EPHA6: variants seen among roughly 807,000 people sequenced by gnomAD.
EPHA6 encodes EPH receptor A6.
In EPHA6, 50 loss-of-function variants were observed where a neutral mutation model predicts 112.0. The ratio of observed to expected loss-of-function variants is 0.45; its 90% CI spans 0.36 to 0.56. The LOEUF (loss-of-function observed/expected upper bound fraction) is 0.56. Ranked by LOEUF, EPHA6 falls within the 20% of genes least tolerant of loss-of-function variation. EPHA6 has a pLI of 0.00. For synonymous variants in EPHA6, 529 were observed against 490.7 expected (o/e 1.08, Z -1.03); for missense variants, 1,280 against 1,417.4 (o/e 0.90, Z 1.56).
intron 13 of EPHA6, among the ~76,000 whole-genome samples, chr3:97,622,528 A>G (rs2093822382): frequency 6.6e-6 from 1 of 151,740 alleles, no homozygotes; most frequent in Non-Finnish European, 1.5e-5. Context: ...TTCATGTTTT[A>G]GCTATTGCGA....
chr3:97,206,609 T>A (rs916941056), intron 3 of EPHA6, among the ~76,000 whole-genome samples: 1 of 152,082 alleles, frequency 6.6e-6, no homozygotes, highest in Non-Finnish European at 1.5e-5. Context: ...CGAGCTACTC[T>A]ACTTGATACT....
chr3:97,005,358 A>G (rs901555664), intron 3 of EPHA6, among the ~76,000 whole-genome samples: 11 of 151,972 alleles, frequency 7.2e-5, no homozygotes, highest in Non-Finnish European at 1.3e-4. Flanking sequence ...ATTCCTAGGT[A>G]TATTATTCTC....
chr3:96,864,633 G>A (rs566373192), intron 1 of EPHA6, among the ~76,000 whole-genome samples: 1 of 152,148 alleles, frequency 6.6e-6, no homozygotes, highest in East Asian at 1.9e-4. Context: ...TTCCATGGAT[G>A]TAGGAGTTTG....
chr3:96,860,397 A>G (rs1392439204), intron 1 of EPHA6, among the ~76,000 whole-genome samples: 1 of 151,796 alleles, frequency 6.6e-6, no homozygotes, highest in Non-Finnish European at 1.5e-5. Flanking sequence ...TTTCTTTTAG[A>G]CCTTTCTTCC....
intron 2 of EPHA6, among the ~76,000 whole-genome samples, chr3:96,892,398 C>A (rs1174369467): frequency 1.3e-5 from 2 of 151,832 alleles, no homozygotes; most frequent in Non-Finnish European, 2.9e-5. Flanking sequence ...TTTTTTTGTA[C>A]TTTTTATAGA....
At chr3:96,926,453 C>T (rs941633228) in intron 2 of EPHA6, among the ~76,000 whole-genome samples, 2 of 152,188 alleles carry the variant, frequency 1.3e-5, no homozygotes, top group East Asian at 1.9e-4. Context: ...GCATTCCCAA[C>T]AGTCTTCCAA....
intron 3 of EPHA6, among the ~76,000 whole-genome samples, chr3:97,015,572 A>G (rs2044236325): frequency 6.6e-6 from 1 of 152,228 alleles, no homozygotes; most frequent in Non-Finnish European, 1.5e-5. Context: ...AATGTTAAAA[A>G]GAATATATAT....
Position 96,906,583 on chromosome 3 carries a change from A to G in EPHA6, c.450+39694A>G, listed in dbSNP as rs145133140. 6.1e-3 allele frequency among the ~76,000 whole-genome samples: 922 copies of G among 152,102 alleles called. 15 individuals carry two copies. Among genetic ancestry groups the G allele is most frequent in the African/African-American group, 0.02 (845 of 41,526 alleles). On this transcript the variant is annotated intron_variant, in intron 2 of 17. Transcript: ENST00000389672. Reference sequence around the variant, plus strand: ...GTGCCCTTGTGCTCTGTTGTATCTTATTTAGAATATATTTGTGTCTCTGCA... The same window carrying G: ...GTGCCCTTGTGCTCTGTTGTATCTTGTTTAGAATATATTTGTGTCTCTGCA...
intron 3 of EPHA6, among the ~76,000 whole-genome samples, chr3:97,055,625 G>A (rs2045827949): frequency 6.6e-6 from 1 of 152,146 alleles, no homozygotes; most frequent in East Asian, 1.9e-4. Context: ...AAAATGTAAT[G>A]TTGAGGAACA....
intron 5 of EPHA6, among the ~76,000 whole-genome samples, chr3:97,281,211 G>A (rs2080274354): frequency 7.1e-6 from 1 of 141,610 alleles, no homozygotes; most frequent in Non-Finnish European, 1.5e-5. Context: ...ATGTGTGTGT[G>A]TGTGTGTGTG....
intron 10 of EPHA6, among the ~76,000 whole-genome samples, chr3:97,507,665 G>A (rs1053924152): frequency 6.6e-6 from 1 of 152,132 alleles, no homozygotes; most frequent in African/African-American, 2.4e-5. Flanking sequence ...TCAGGATGAT[G>A]CTGGCCTCTT....
At chr3:97,288,506 A>G (rs980825967) in intron 5 of EPHA6, among the ~76,000 whole-genome samples, 3 of 152,104 alleles carry the variant, frequency 2.0e-5, no homozygotes, top group Non-Finnish European at 4.4e-5. Flanking sequence ...CCAAGCTGAT[A>G]CCTTATCTTG....
intron 3 of EPHA6, among the ~76,000 whole-genome samples, chr3:97,135,523 A>T (rs1327522831): frequency 6.6e-6 from 1 of 152,190 alleles, no homozygotes; most frequent in Non-Finnish European, 1.5e-5. Flanking sequence ...TTATTCAGAC[A>T]TTCTTAAAAT....
chr3:96,845,811 C>T (rs2035040898), intron 1 of EPHA6, among the ~76,000 whole-genome samples: 1 of 151,872 alleles, frequency 6.6e-6, no homozygotes, highest in South Asian at 2.1e-4. Context: ...ACTGGCTCAA[C>T]TTTGCAATTA....
intron 7 of EPHA6, among the ~76,000 whole-genome samples, chr3:97,466,058 TC>T (rs1560038610): frequency 6.6e-6 from 1 of 151,896 alleles, no homozygotes. Context: ...AGGACTGATT[TC>T]CCCCCAAAAC....
intron 3 of EPHA6, among the ~76,000 whole-genome samples, chr3:96,990,997 A>ATTTTTTTTTTTTTTTTTTTTTTT (rs199934630): frequency 6.7e-6 from 1 of 149,672 alleles, no homozygotes; most frequent in African/African-American, 2.5e-5. Flanking sequence ...TACAGTATTG[A>ATTTTTTTTTTTTTTTTTTTTTTT]TTTTTTTTTA....
At chr3:96,855,656 C>T (rs1245185955) in intron 1 of EPHA6, among the ~76,000 whole-genome samples, 2 of 149,868 alleles carry the variant, frequency 1.3e-5, no homozygotes, top group Non-Finnish European at 3.0e-5. Context: ...GTTGAAATCC[C>T]TAAACTGATA....
At chr3:97,722,470 A>G (rs2107801244) in intron 15 of EPHA6, among the ~76,000 whole-genome samples, 1 of 152,238 alleles carries the variant, frequency 6.6e-6, no homozygotes, top group East Asian at 1.9e-4. Context: ...ATGCTCTTAG[A>G]AAATAATTCC....
chr3:96,880,752 T>C (rs1472023318), intron 2 of EPHA6, among the ~76,000 whole-genome samples: 2 of 152,198 alleles, frequency 1.3e-5, no homozygotes, highest in East Asian at 3.8e-4. Flanking sequence ...ATTCACCTAT[T>C]CTGTGTATTT....
Sources: allele counts gnomAD v4.1 joint callset (sites outside exome capture counted in the v4.1 genomes callset), GRCh38; gene constraint gnomAD v4.1.1; transcripts MANE v1.5; gene names NCBI Gene and HGNC (gene_info 2026-07-23, HGNC 2026-07-21).